Variants in ZNF235 observed in about 807,000 individuals in gnomAD.
The protein encoded by ZNF235 is zinc finger protein 235.
In ZNF235, 25 loss-of-function variants were observed where a neutral mutation model predicts 29.4. The observed-to-expected ratio is 0.85, with a 90% CI of 0.62 to 1.19. ZNF235 has a LOEUF of 1.19. Ranked by LOEUF, ZNF235 falls within the 50% of genes most tolerant of loss-of-function variation. ZNF235 has a pLI of 0.00. For missense variants in ZNF235, 788 were observed against 885.0 expected (o/e 0.89, Z 1.39); for synonymous variants, 300 against 295.3 (o/e 1.02, Z -0.16).
intron 4 of ZNF235, chr19:44,289,712 C>G (rs1006179914): frequency 2.0e-5 from 3 of 152,300 alleles, no homozygotes; most frequent in African/African-American, 7.2e-5. Flanking sequence ...TCAGTAAGTA[C>G]TTAGAAAGGA....
chr19:44,287,558 G>A lies in ZNF235; in HGVS notation c.1877C>T (p.Pro626Leu). ...AHQRVHTGEK[P>L]YKCDTCGKAF... Reference sequence around the variant, plus strand: ...CTTACCACAAGTGTCACATTTATATGGTTTCTCTCCGGTGTGGACTCTCTG... The same window carrying A: ...CTTACCACAAGTGTCACATTTATATAGTTTCTCTCCGGTGTGGACTCTCTG... Residue 626 changes from proline (P) to leucine (L), a missense_variant, in exon 5 of 5, where the codon CCA becomes CTA. Pro to Leu is a moderately conservative substitution (Grantham distance 98). Coordinates refer to ENST00000291182, the MANE Select transcript of ZNF235 (RefSeq NM_004234.4). 1 of 1,614,086 alleles carries A rather than the reference G, an allele frequency of 6.2e-7. No individual in the cohort carries two copies. The highest frequency in any genetic ancestry group is 8.5e-7 in the Non-Finnish European group (1 of 1,180,020).
Position 44,303,379 on chromosome 19 carries a change from A to T in ZNF235, c.15+11T>A, listed in dbSNP as rs1339689515. 1 of 1,612,204 alleles carries T rather than the reference A, an allele frequency of 6.2e-7. No homozygotes were observed. Among genetic ancestry groups the T allele is most frequent in the Non-Finnish European group, 8.5e-7 (1 of 1,178,868 alleles). ...GTCATTTTAAGAAACACAAAGGCAA[A>T]CCAAACTTACCTGGAACTTGGTCAT... On this transcript the variant is annotated intron_variant, in intron 2 of 4. Coordinates refer to ENST00000291182, the MANE Select transcript of ZNF235 (RefSeq NM_004234.4).
At chr19:44,294,860 T>A (rs180692421) in intron 4 of ZNF235, among the ~76,000 whole-genome samples, 1 of 151,878 alleles carries the variant, frequency 6.6e-6, no homozygotes, top group Non-Finnish European at 1.5e-5. Context: ...TCAACAGATA[T>A]ATAAAAACCA....
At position 44,288,359 on chromosome 19, in the gene ZNF235, C is replaced by G; in HGVS notation, c.1076G>C (p.Ser359Thr). The change falls in exon 5 of 5, where the codon AGC (serine) becomes ACC (threonine). Residue 359 changes from serine (S) to threonine (T), a missense_variant. Transcript: ENST00000291182. ...AGGCAAATGAGCATAAAGATGTGAG[C>G]TCTGATTAAAGCTCTTACCACACTC... ...CHECGKSFNQSSHLYAHLPIH... is the reference protein window; with the variant it reads ...CHECGKSFNQTSHLYAHLPIH... 6.2e-7 allele frequency: 1 copy of G among 1,614,040 alleles called. No homozygotes were observed. The highest frequency in any genetic ancestry group is 8.5e-7 in the Non-Finnish European group (1 of 1,179,996).
At chr19:44,289,676 C>T (rs1483864723) in intron 4 of ZNF235, 3 of 152,590 alleles carry the variant, frequency 2.0e-5, no homozygotes, top group Non-Finnish European at 4.4e-5. Context: ...AGAAACCAGC[C>T]AACTGCAGAA....
At chr19:44,303,256 A>G in intron 2 of ZNF235, 134 bp downstream of exon 2, 1 of 676,844 alleles carries the variant, frequency 1.5e-6, no homozygotes. Context: ...TTGAAATAAA[A>G]GGCAACAACC....
Position 44,288,662 on chromosome 19 carries a change from G to A in ZNF235, c.773C>T (p.Thr258Ile), listed in dbSNP as rs1975536764. ...VSPLTQRSIH[T>I]GQKTYQGNEC... Reference sequence around the variant, plus strand: ...ATTACCCTGGTAGGTTTTCTGTCCTGTGTGAATACTACGCTGGGTAAGAGG... The same window carrying A: ...ATTACCCTGGTAGGTTTTCTGTCCTATGTGAATACTACGCTGGGTAAGAGG... The change falls in exon 5 of 5, where the codon ACA becomes ATA. Residue 258 changes from threonine to isoleucine, a missense_variant. Thr to Ile is a moderately conservative substitution (Grantham distance 89). Coordinates refer to ENST00000291182, the MANE Select transcript of ZNF235 (RefSeq NM_004234.4). 6.2e-7 allele frequency: 1 copy of A among 1,614,128 alleles called. No individual in the cohort carries two copies. The highest frequency in any genetic ancestry group is 1.1e-5 in the South Asian group (1 of 91,080).
Sources: allele counts gnomAD v4.1 joint callset (sites outside exome capture counted in the v4.1 genomes callset), GRCh38; gene constraint gnomAD v4.1.1; transcripts MANE v1.5; gene names NCBI Gene and HGNC (gene_info 2026-07-23, HGNC 2026-07-21).